The following C8orf89 variants were observed in gnomAD, a reference collection of about 807,000 sequenced individuals.
C8orf89 encodes chromosome 8 open reading frame 89, also known as putative uncharacterized protein C8orf89.
C8orf89 carries 14 observed loss-of-function variants against 15.8 expected under a neutral mutation model. The observed-to-expected ratio is 0.89, with a 90% CI of 0.59 to 1.39. The LOEUF (loss-of-function observed/expected upper bound fraction) is 1.39, where lower values mean the gene tolerates loss of function less well. Among genes scored for constraint, C8orf89 ranks in the 40% most tolerant of loss-of-function variants. The pLI is 0.00. For synonymous variants in C8orf89, 55 were observed against 62.2 expected (o/e 0.88, Z 0.54); for missense variants, 181 against 184.5 (o/e 0.98, Z 0.11).
At chr8:73,260,826 A>T (rs1813511931), upstream of C8orf89, among the ~76,000 whole-genome samples, 1 of 152,172 alleles carries the variant, frequency 6.6e-6, no homozygotes, top group Admixed American at 6.5e-5. Flanking sequence ...GGTGTTGTCA[A>T]AAGAGAGAAA....
chr8:73,285,862 G>T, the C8orf89 span, among the ~76,000 whole-genome samples: 5 of 152,198 alleles, frequency 3.3e-5, no homozygotes, highest in Non-Finnish European at 7.4e-5. Flanking sequence ...CCTGGGGTGA[G>T]CATGCCCCGC....
rs538920880 is a variant in C8orf89, at chr8:73,257,789, T to G, written c.128-663A>C. On this transcript the variant is annotated intron_variant, in intron 1 of 3. Coordinates refer to ENST00000624510, the MANE Select transcript of C8orf89 (RefSeq NM_001243237.3). ...GTTTGGGTGTTCTTTGAACTAAACA[T>G]AGAGAATTTTTTTGAAAGTATTCTC... Among the ~76,000 whole-genome samples the G allele has an allele frequency of 1.5e-3, 236 of 152,326 alleles. 2 individuals carry two copies. Among genetic ancestry groups the G allele is most frequent in the African/African-American group, 5.5e-3 (230 of 41,588 alleles).
the C8orf89 span, among the ~76,000 whole-genome samples, chr8:73,280,889 A>T: frequency 6.6e-6 from 1 of 152,050 alleles, no homozygotes; most frequent in South Asian, 2.1e-4. Context: ...TAAAAAATTC[A>T]TTCTCTCTAG....
At chr8:73,264,771 G>A in the C8orf89 span, among the ~76,000 whole-genome samples, 16 of 152,292 alleles carry the variant, frequency 1.1e-4, no homozygotes, top group East Asian at 2.3e-3. Context: ...GATTACAGGC[G>A]TGAGCCACCA....
At chr8:73,260,562 A>T (rs1240861576), upstream of C8orf89, among the ~76,000 whole-genome samples, 1 of 152,180 alleles carries the variant, frequency 6.6e-6, no homozygotes, top group African/African-American at 2.4e-5. Context: ...GAAAACGGAT[A>T]ATACAGTTTT....
chr8:73,280,813 G>A, the C8orf89 span, among the ~76,000 whole-genome samples: 1 of 148,818 alleles, frequency 6.7e-6, no homozygotes, highest in East Asian at 2.0e-4. Context: ...AAAAAGAAAA[G>A]AAAAATAATC....
At chr8:73,250,537 A>G (rs1813224621) in intron 2 of C8orf89, among the ~76,000 whole-genome samples, 1 of 152,206 alleles carries the variant, frequency 6.6e-6, no homozygotes, top group African/African-American at 2.4e-5. Context: ...AACTTCTCCC[A>G]CAGACCTTTA....
Position 73,241,451 on chromosome 8 carries a change from C to T in C8orf89, c.*6G>A, listed in dbSNP as rs774510471. ...CTGAAGAAAGCATCACACTGTACGA[C>T]ATTTTTCAGCGGTCTCGGAGGTCTC... On this transcript the variant is annotated 3_prime_UTR_variant, in exon 4 of 4. Transcript: ENST00000624510. The T allele has an allele frequency of 7.9e-6, 12 of 1,521,036 alleles. No homozygotes were observed. Among genetic ancestry groups the T allele is most frequent in the Non-Finnish European group, 1.1e-5 (12 of 1,138,872 alleles). The allele number at this position is 1,521,036 out of a possible 1,614,324, so 94.2% of individuals were successfully genotyped here.
chr8:73,270,779 T>C, the C8orf89 span, among the ~76,000 whole-genome samples: 1 of 152,036 alleles, frequency 6.6e-6, no homozygotes, highest in Non-Finnish European at 1.5e-5. Flanking sequence ...AAATAAATAT[T>C]AACAAAATAA....
intron 2 of C8orf89, among the ~76,000 whole-genome samples, chr8:73,251,029 T>C (rs1402389199): frequency 6.6e-6 from 1 of 151,976 alleles, no homozygotes; most frequent in Non-Finnish European, 1.5e-5. Flanking sequence ...CTCAAAATGC[T>C]GGCCTCAAGC....
At chr8:73,261,850 C>A (rs1813536202), upstream of C8orf89, among the ~76,000 whole-genome samples, 1 of 152,164 alleles carries the variant, frequency 6.6e-6, no homozygotes, top group Admixed American at 6.5e-5. Flanking sequence ...CTGCCAGGTC[C>A]TCTGGGCCCA....
chr8:73,254,458 C>G (rs960218668), intron 2 of C8orf89, among the ~76,000 whole-genome samples: 1 of 152,166 alleles, frequency 6.6e-6, no homozygotes, highest in Non-Finnish European at 1.5e-5. Context: ...CTGAAAACAC[C>G]ACCACTTTTA....
chr8:73,256,065 T>C (rs1196239352), intron 2 of C8orf89, among the ~76,000 whole-genome samples: 1 of 151,608 alleles, frequency 6.6e-6, no homozygotes. Context: ...CATATGTAGC[T>C]AACCTGCACA....
At chr8:73,256,852 TAA>T (rs34481187) in intron 2 of C8orf89, 119 bp downstream of exon 2, 30,081 of 444,954 alleles carry the variant, frequency 0.068, 253 homozygotes, top group African/African-American at 0.12. Flanking sequence ...ATCCTTTATG[TAA>T]AAAAAAAAAA....
chr8:73,278,987 T>C, the C8orf89 span, among the ~76,000 whole-genome samples: 2 of 152,308 alleles, frequency 1.3e-5, no homozygotes, highest in Non-Finnish European at 2.9e-5. Flanking sequence ...AAAAGGACAA[T>C]TCTTTGTTGT....
At chr8:73,256,720 C>T (rs1322174145) in intron 2 of C8orf89, among the ~76,000 whole-genome samples, 1 of 95,622 alleles carries the variant, frequency 1.0e-5, no homozygotes, top group Non-Finnish European at 1.9e-5. Context: ...CAGCGAGACT[C>T]TGTCTCAAAA....
the C8orf89 span, among the ~76,000 whole-genome samples, chr8:73,275,169 A>T: frequency 6.7e-6 from 1 of 149,544 alleles, no homozygotes. Context: ...ATAAGTGGTT[A>T]TCTCTACCTG....
intron 2 of C8orf89, among the ~76,000 whole-genome samples, chr8:73,256,130 A>AAATAATAATAATAAT (rs71268002): frequency 9.5e-5 from 14 of 147,980 alleles, no homozygotes; most frequent in African/African-American, 3.5e-4. Flanking sequence ...AATAAATAAC[A>AAATAATAATAATAAT]AATAATAATA....
rs1227554093 is a variant in C8orf89, at chr8:73,259,490, G to A, written c.-32C>T. Reference sequence around the variant, plus strand: ...TTCTTTCAACAGTGCTGATGAGAGGGAGATGCTGCTGCAGAGACAGGACAC... The same window carrying A: ...TTCTTTCAACAGTGCTGATGAGAGGAAGATGCTGCTGCAGAGACAGGACAC... On this transcript the variant is annotated 5_prime_UTR_variant, in exon 1 of 4. Coordinates refer to ENST00000624510, the MANE Select transcript of C8orf89 (RefSeq NM_001243237.3). The A allele has an allele frequency of 3.4e-6, 5 of 1,454,892 alleles. No homozygotes were observed. Among genetic ancestry groups the A allele is most frequent in the East Asian group, 2.6e-5 (1 of 38,550 alleles). 90.1% of individuals were successfully genotyped at this position (1,454,892 alleles called of 1,614,324 possible). A position where few individuals can be genotyped will look rare whatever the true frequency, so the allele number is the denominator to read the frequency against.
Sources: gnomAD v4.1 joint callset for allele counts (sites outside exome capture counted in the v4.1 genomes callset) on GRCh38, gnomAD v4.1.1 for gene constraint, MANE v1.5 for transcripts, NCBI Gene and HGNC (gene_info 2026-07-23, HGNC 2026-07-21) for gene names.